FANCB: variants seen among roughly 807,000 people sequenced by gnomAD.
The protein encoded by FANCB is FA complementation group B.
A neutral mutation model predicts 38.9 loss-of-function variants in FANCB; 5 were observed. The ratio of observed to expected loss-of-function variants is 0.13; its 90% CI spans 0.07 to 0.27. FANCB has a LOEUF of 0.27. Among genes scored for constraint, FANCB ranks in the 10% least tolerant of loss-of-function variants. FANCB has a pLI of 1.00. For synonymous variants in FANCB, 236 were observed against 215.4 expected, an observed-to-expected ratio of 1.10 and a Z score of -0.84; for missense variants, 573 against 602.7, an observed-to-expected ratio of 0.95 and a Z score of 0.52.
chrX:14,776,518 A>G, the FANCB span, among the ~76,000 whole-genome samples: 1 of 111,987 alleles, frequency 8.9e-6, no homozygotes, highest in Non-Finnish European at 1.9e-5. Context: ...TGTAAATGGT[A>G]TTGAATAGCG....
At chrX:14,733,704 G>T in the FANCB span, among the ~76,000 whole-genome samples, 1 of 111,827 alleles carries the variant, frequency 8.9e-6, no homozygotes, top group East Asian at 2.8e-4. Context: ...TGTGATTTTT[G>T]CACATTGATT....
At chrX:14,691,555 T>G in the FANCB span, among the ~76,000 whole-genome samples, 1 of 111,374 alleles carries the variant, frequency 9.0e-6, no homozygotes, top group African/African-American at 3.3e-5. Context: ...GTTCCCAAAC[T>G]TGCCTGCACA....
At chrX:14,864,182 A>G (rs906870036) in intron 3 of FANCB, among the ~76,000 whole-genome samples, 1 of 111,960 alleles carries the variant, frequency 8.9e-6, no homozygotes, top group African/African-American at 3.2e-5. Flanking sequence ...AACTGATTTG[A>G]ATTTTCCAGG....
At chrX:14,802,800 A>T in the FANCB span, among the ~76,000 whole-genome samples, 1 of 112,120 alleles carries the variant, frequency 8.9e-6, no homozygotes, top group Non-Finnish European at 1.9e-5. Context: ...GGGAAGAGAA[A>T]TAACATATGA....
downstream of FANCB, among the ~76,000 whole-genome samples, chrX:14,839,078 G>A (rs533028247): frequency 3.4e-4 from 38 of 111,316 alleles, 1 homozygote; most frequent in South Asian, 0.014. Flanking sequence ...CGGATCACCT[G>A]AGGTCAGGAG....
chrX:14,754,687 G>T, the FANCB span, among the ~76,000 whole-genome samples: 5 of 110,654 alleles, frequency 4.5e-5, no homozygotes, highest in South Asian at 1.9e-3. Context: ...ATTTTTCTGA[G>T]ATTTTTAGTT....
the FANCB span, among the ~76,000 whole-genome samples, chrX:14,756,022 C>T: frequency 2.7e-5 from 3 of 111,819 alleles, no homozygotes; most frequent in Non-Finnish European, 3.8e-5. Flanking sequence ...AATAAATTTG[C>T]ATACTTACAG....
chrX:14,720,841 T>C, the FANCB span, among the ~76,000 whole-genome samples: 1 of 111,267 alleles, frequency 9.0e-6, no homozygotes, highest in Non-Finnish European at 1.9e-5. Flanking sequence ...TAAAAACTGT[T>C]GGGGGCAGGG....
chrX:14,764,691 G>A, the FANCB span, among the ~76,000 whole-genome samples: 5 of 111,305 alleles, frequency 4.5e-5, no homozygotes, highest in Non-Finnish European at 7.5e-5. Flanking sequence ...ACATAGATGT[G>A]GGAGCCAACC....
the FANCB span, among the ~76,000 whole-genome samples, chrX:14,714,449 C>T: frequency 9.0e-6 from 1 of 111,673 alleles, no homozygotes; most frequent in Non-Finnish European, 1.9e-5. Flanking sequence ...AAAGAAAGAT[C>T]CACCATTATG....
chrX:14,814,468 T>G, the FANCB span, among the ~76,000 whole-genome samples: 2 of 111,325 alleles, frequency 1.8e-5, no homozygotes, highest in Admixed American at 1.9e-4. Flanking sequence ...AGAAACAAAT[T>G]TACAAGAAAA....
At chrX:14,801,150 C>T in the FANCB span, among the ~76,000 whole-genome samples, 5 of 112,131 alleles carry the variant, frequency 4.5e-5, no homozygotes, top group East Asian at 1.4e-3. Context: ...TTCCAAATCC[C>T]TGTGACCTAA....
chrX:14,844,653 A>G lies in FANCB; in HGVS notation c.2015T>C (p.Met672Thr), dbSNP rs377268147. 1 of 1,210,529 alleles carries G rather than the reference A, an allele frequency of 8.3e-7. No homozygotes were observed. The highest frequency in any genetic ancestry group is 1.1e-6 in the Non-Finnish European group (1 of 894,218). The change falls in exon 9 of 10, where the codon ATG becomes ACG. Residue 672 changes from methionine (M) to threonine (T), a missense_variant. Coordinates refer to ENST00000650831, the MANE Select transcript of FANCB (RefSeq NM_001018113.3). ...CATATGTTCTAAGAGCCACACCTTC[A>G]TTGAATTCAGGGCATAGCCGGGTGA... ...ITSPGYALNS[M>T]KVWLLEHMKC...
chrX:14,699,149 ACT>A, the FANCB span, among the ~76,000 whole-genome samples: 14 of 111,320 alleles, frequency 1.3e-4, no homozygotes, highest in African/African-American at 4.3e-4. Flanking sequence ...ATGCAATAAA[ACT>A]CTGTTTTAAT....
chrX:14,730,749 G>C, the FANCB span: 2 of 324,348 alleles, frequency 6.2e-6, no homozygotes, highest in Non-Finnish European at 1.1e-5. Context: ...CTTTCAGTCA[G>C]ACATGATATG....
chrX:14,707,815 AT>A, the FANCB span, among the ~76,000 whole-genome samples: 10 of 109,718 alleles, frequency 9.1e-5, no homozygotes, highest in African/African-American at 2.3e-4. Flanking sequence ...GACAGTCTTT[AT>A]TTTTTTTCTA....
chrX:14,817,971 A>AAT, the FANCB span, among the ~76,000 whole-genome samples: 2 of 111,512 alleles, frequency 1.8e-5, no homozygotes, highest in South Asian at 7.5e-4. Flanking sequence ...CACAAACATA[A>AAT]ATATATATTT....
At chrX:14,811,866 T>G in the FANCB span, among the ~76,000 whole-genome samples, 1 of 111,781 alleles carries the variant, frequency 8.9e-6, no homozygotes, top group Admixed American at 9.5e-5. Context: ...TATACATTCT[T>G]TTCAGCACCA....
rs1220080049 is a variant in FANCB at position 14,843,777 on chromosome X, C to T, written c.2370G>A (p.Val790=). 3.3e-6 allele frequency: 4 copies of T among 1,209,256 alleles called. No individual in the cohort carries two copies. Among genetic ancestry groups the T allele is most frequent in the African/African-American group, 1.8e-5 (1 of 57,128 alleles). ...HESNFMQRCE[V]SKGKSSVVAA... Reference sequence around the variant, plus strand: ...CGACGACACTACTCTTTCCTTTGCTCACTTCACACCTCTGCATAAAATTGC... The same window carrying T: ...CGACGACACTACTCTTTCCTTTGCTTACTTCACACCTCTGCATAAAATTGC... Residue 790 remains valine, a synonymous_variant, in exon 10 of 10, where the codon GTG becomes GTA. Coordinates refer to ENST00000650831, the MANE Select transcript of FANCB (RefSeq NM_001018113.3).
Sources: gnomAD v4.1 joint callset for allele counts (sites outside exome capture counted in the v4.1 genomes callset) on GRCh38, gnomAD v4.1.1 for gene constraint, MANE v1.5 for transcripts, NCBI Gene and HGNC (gene_info 2026-07-23, HGNC 2026-07-21) for gene names.